Variants in ERBB4 observed in about 807,000 individuals in gnomAD.
ERBB4 encodes the protein erb-b2 receptor tyrosine kinase 4.
ERBB4 carries 42 observed loss-of-function variants against 158.0 expected under a neutral mutation model. That is an observed-to-expected ratio of 0.27 (90% confidence interval 0.21 to 0.34). The LOEUF (loss-of-function observed/expected upper bound fraction) is 0.34, where lower values mean the gene tolerates loss of function less well. ERBB4 is among the 10% of genes least tolerant of loss of function. The pLI, the probability that ERBB4 is intolerant of heterozygous loss-of-function variation, is 1.00. For missense variants in ERBB4, 1,333 were observed against 1,624.1 expected, an observed-to-expected ratio of 0.82 and a Z score of 3.08; for synonymous variants, 583 against 558.7, an observed-to-expected ratio of 1.04 and a Z score of -0.61.
At chr2:212,122,281 G>C (rs557771147) in intron 2 of ERBB4, among the ~76,000 whole-genome samples, 1 of 151,870 alleles carries the variant, frequency 6.6e-6, no homozygotes, top group Non-Finnish European at 1.5e-5. Flanking sequence ...ACTTGGGATT[G>C]CAGATATGTT....
At chr2:212,481,625 A>T (rs1689702644) in intron 1 of ERBB4, among the ~76,000 whole-genome samples, 1 of 152,218 alleles carries the variant, frequency 6.6e-6, no homozygotes, top group Non-Finnish European at 1.5e-5. Flanking sequence ...ATATTTGCAA[A>T]GCTGCAGTAA....
chr2:211,598,004 T>C (rs1238523282), intron 19 of ERBB4, among the ~76,000 whole-genome samples: 2 of 152,146 alleles, frequency 1.3e-5, no homozygotes, highest in African/African-American at 4.8e-5. Flanking sequence ...TTTGTATGTC[T>C]GTGGGGAATA....
intron 26 of ERBB4, 46 bp from the exon 27 acceptor site, chr2:211,387,196 T>C (rs769407911): frequency 1.4e-6 from 2 of 1,427,498 alleles, no homozygotes; most frequent in South Asian, 2.3e-5. Context: ...TTGTTAGAAA[T>C]AGTTTAAAAA....
chr2:211,714,582 T>A (rs1251162353), intron 7 of ERBB4, among the ~76,000 whole-genome samples: 1 of 152,208 alleles, frequency 6.6e-6, no homozygotes, highest in African/African-American at 2.4e-5. Flanking sequence ...ATGGCAAGTT[T>A]CATCAGAAAA....
At chr2:211,596,742 A>G (rs2068643147) in intron 19 of ERBB4, among the ~76,000 whole-genome samples, 1 of 151,454 alleles carries the variant, frequency 6.6e-6, no homozygotes, top group African/African-American at 2.4e-5. Context: ...CAACTAAAGA[A>G]TGATGTAGCT....
At chr2:211,587,240 C>A (rs2068310644) in intron 19 of ERBB4, among the ~76,000 whole-genome samples, 1 of 151,866 alleles carries the variant, frequency 6.6e-6, no homozygotes, top group Non-Finnish European at 1.5e-5. Context: ...CCTGTAATCC[C>A]AGCTACTTGG....
chr2:212,276,104 G>A (rs948453271), intron 1 of ERBB4, among the ~76,000 whole-genome samples: 5 of 151,716 alleles, frequency 3.3e-5, no homozygotes, highest in African/African-American at 1.2e-4. Context: ...GTTAATGAAA[G>A]CATTATTCTC....
At chr2:212,235,462 C>T (rs950326675) in intron 1 of ERBB4, among the ~76,000 whole-genome samples, 3 of 152,082 alleles carry the variant, frequency 2.0e-5, no homozygotes, top group Non-Finnish European at 4.4e-5. Flanking sequence ...GCTCTTTTTT[C>T]GTTCCATATA....
In ERBB4 at chr2:211,559,254, A is replaced by G. The variant is rs2067320450; in HGVS notation, c.2487+2649T>C. Among the ~76,000 whole-genome samples the G allele has an allele frequency of 2.6e-5, 4 of 152,164 alleles. No homozygotes were observed. In the South Asian group the frequency reaches 8.3e-4, roughly 32 times the overall value. ...CATTGCCTCCAGACTCCTAATTAGT[A>G]TCTTCATTTTCATTCTTATATCGCC... On this transcript the variant is annotated intron_variant, in intron 20 of 27. Transcript: ENST00000342788.
At chr2:212,006,137 C>T (rs1263865266) in intron 2 of ERBB4, among the ~76,000 whole-genome samples, 3 of 152,122 alleles carry the variant, frequency 2.0e-5, no homozygotes, top group East Asian at 1.9e-4. Context: ...TGAATTTTAT[C>T]TGAATGTGCT....
At chr2:211,709,274 T>TATATATATAC (rs1553615210) in intron 9 of ERBB4, among the ~76,000 whole-genome samples, 3 of 136,544 alleles carry the variant, frequency 2.2e-5, no homozygotes, top group African/African-American at 8.6e-5. Flanking sequence ...TATATATATA[T>TATATATATAC]ACATACATAT....
At chr2:211,398,345 G>A (rs1371570511) in intron 25 of ERBB4, among the ~76,000 whole-genome samples, 1 of 152,128 alleles carries the variant, frequency 6.6e-6, no homozygotes, top group African/African-American at 2.4e-5. Flanking sequence ...GATACTTAGA[G>A]AGTAAAAGAA....
intron 1 of ERBB4, among the ~76,000 whole-genome samples, chr2:212,357,601 A>G (rs1338982631): frequency 6.6e-6 from 1 of 151,730 alleles, no homozygotes; most frequent in African/African-American, 2.4e-5. Flanking sequence ...ACGTTTGCCC[A>G]CAGAGAAGCC....
At chr2:211,401,292 G>GCTTT (rs2063036691) in intron 25 of ERBB4, among the ~76,000 whole-genome samples, 1 of 151,904 alleles carries the variant, frequency 6.6e-6, no homozygotes, top group African/African-American at 2.4e-5. Flanking sequence ...TATTATTTTT[G>GCTTT]CTTTCTTTAG....
At chr2:212,192,047 T>TATGTTATATGTTATATGTTATAA (rs1559707798) in intron 1 of ERBB4, among the ~76,000 whole-genome samples, 21 of 87,492 alleles carry the variant, frequency 2.4e-4, no homozygotes, top group African/African-American at 6.4e-4. Flanking sequence ...GTTATATATA[T>TATGTTATATGTTATATGTTATAA]GTTATATGTT....
chr2:212,222,425 T>A (rs553907069), intron 1 of ERBB4, among the ~76,000 whole-genome samples: 1 of 151,716 alleles, frequency 6.6e-6, no homozygotes, highest in Admixed American at 6.6e-5. Context: ...TTAAGAGAAA[T>A]CAACTCACTC....
chr2:211,994,145 A>T (rs1047472545), intron 2 of ERBB4, among the ~76,000 whole-genome samples: 1 of 151,968 alleles, frequency 6.6e-6, no homozygotes, highest in African/African-American at 2.4e-5. Context: ...CTATCTGTCT[A>T]TCACAAGCAG....
At chr2:212,029,943 C>G (rs1271525705) in intron 2 of ERBB4, among the ~76,000 whole-genome samples, 1 of 152,078 alleles carries the variant, frequency 6.6e-6, no homozygotes, top group Admixed American at 6.6e-5. Context: ...TACTTTTCTG[C>G]CACATAAGGT....
chr2:211,810,285 TG>T (rs1012705125), intron 3 of ERBB4, among the ~76,000 whole-genome samples: 15 of 152,290 alleles, frequency 9.8e-5, no homozygotes, highest in Admixed American at 7.8e-4. Flanking sequence ...ATATTGACAG[TG>T]GGGTGTTAAA....
Sources: gnomAD v4.1 joint callset for allele counts (sites outside exome capture counted in the v4.1 genomes callset) on GRCh38, gnomAD v4.1.1 for gene constraint, MANE v1.5 for transcripts, NCBI Gene and HGNC (gene_info 2026-07-23, HGNC 2026-07-21) for gene names.